TSPAN1: variants seen among roughly 807,000 people sequenced by gnomAD.
The protein encoded by TSPAN1 is tetraspanin-1.
TSPAN1 carries 23 observed loss-of-function variants against 26.9 expected under a neutral mutation model. That is an observed-to-expected ratio of 0.85 (90% confidence interval 0.62 to 1.21). The LOEUF is 1.21. Ranked by LOEUF, TSPAN1 falls within the 50% of genes most tolerant of loss-of-function variation. The pLI is 0.00. For synonymous variants in TSPAN1, 115 were observed against 114.8 expected (o/e 1.00, Z -0.01); for missense variants, 283 against 298.4 (o/e 0.95, Z 0.38).
the TSPAN1 span, chr1:46,192,265 T>C: frequency 6.2e-7 from 1 of 1,614,016 alleles, no homozygotes; most frequent in Non-Finnish European, 8.5e-7. Context: ...ATGTTTCGAG[T>C]TGGTAGGGGA....
downstream of TSPAN1, among the ~76,000 whole-genome samples, chr1:46,186,488 C>CTTT (rs751253861): frequency 2.3e-5 from 3 of 130,110 alleles, no homozygotes; most frequent in Admixed American, 7.8e-5. Flanking sequence ...CTTTTCTTTT[C>CTTT]TTTTTTTTTT....
chr1:46,196,016 G>A, the TSPAN1 span: 1 of 1,614,042 alleles, frequency 6.2e-7, no homozygotes, highest in Admixed American at 1.7e-5. The surrounding 1 kb of genome is among the most constrained non-coding windows in gnomAD (Gnocchi z 4.4). Flanking sequence ...ACTCACCGTG[G>A]CCTGGTTGAG....
chr1:46,195,382 T>G, the TSPAN1 span: 4 of 370,976 alleles, frequency 1.1e-5, no homozygotes, highest in Middle Eastern at 9.2e-4. Context: ...CACTCCTCAA[T>G]TCCTCAGCTT....
chr1:46,194,398 G>GC, the TSPAN1 span: 1 of 1,614,214 alleles, frequency 6.2e-7, no homozygotes, highest in Non-Finnish European at 8.5e-7. Flanking sequence ...GTGGCACTCT[G>GC]CCTCTGAGGG....
At chr1:46,195,987 G>A in the TSPAN1 span, 3 of 1,614,080 alleles carry the variant, frequency 1.9e-6, no homozygotes, top group Non-Finnish European at 2.5e-6. Context: ...CCAGCCCTCT[G>A]GGTCACCCAC....
chr1:46,193,138 C>G, the TSPAN1 span: 17 of 1,613,812 alleles, frequency 1.1e-5, no homozygotes, highest in East Asian at 6.7e-5. Flanking sequence ...ATGTTTCCCC[C>G]CTCCCAGGCC....
downstream of TSPAN1, chr1:46,189,663 A>T: frequency 6.4e-7 from 1 of 1,553,908 alleles, no homozygotes; most frequent in Non-Finnish European, 8.7e-7. Context: ...CCTCCTCAGA[A>T]ACCACCTCAA....
At chr1:46,194,625 T>C in the TSPAN1 span, 1 of 1,614,188 alleles carries the variant, frequency 6.2e-7, no homozygotes, top group Non-Finnish European at 8.5e-7. Flanking sequence ...GCAGGTGATT[T>C]AGAATGTTTC....
the TSPAN1 span, chr1:46,193,608 C>T: frequency 1.2e-6 from 2 of 1,614,208 alleles, no homozygotes; most frequent in East Asian, 2.2e-5. Context: ...TGAGGAGACA[C>T]CCCCTGGGCT....
At chr1:46,193,965 C>T in the TSPAN1 span, 1 of 1,610,714 alleles carries the variant, frequency 6.2e-7, no homozygotes, top group African/African-American at 1.3e-5. Context: ...CTTATTCCCC[C>T]TTCAAACTGG....
At chr1:46,193,484 C>T in the TSPAN1 span, 117 of 1,611,818 alleles carry the variant, frequency 7.3e-5, no homozygotes, top group African/African-American at 1.3e-3. Flanking sequence ...CTTGCCTGGG[C>T]GGTCTCCCTT....
Position 46,184,325 on chromosome 1 carries a change from C to T in TSPAN1, c.192C>T (p.Gly64=), listed in dbSNP as rs145996817. 2.2e-4 allele frequency: 352 copies of T among 1,614,192 alleles called. 2 individuals carry two copies. The highest frequency in any genetic ancestry group is 1.5e-3 in the Admixed American group (88 of 60,024). The part of the protein sequence containing the change: ...VNVGYFLIAA[G]VVVFALGFLG... ...TGGGCTACTTCCTCATCGCAGCCGG[C>T]GTTGTGGTCTTTGCTCTTGGTTTCC... The change falls in exon 4 of 9, where the codon GGC becomes GGT. Residue 64 remains glycine, a synonymous_variant. Transcript: ENST00000372003.
At chr1:46,190,890 T>C (rs1299937777), downstream of TSPAN1, 2 of 1,049,510 alleles carry the variant, frequency 1.9e-6, no homozygotes, top group Non-Finnish European at 3.0e-6. Context: ...GTCCTAGACC[T>C]GTAAAGAGCC....
In TSPAN1 at chr1:46,185,762, C is replaced by T; in HGVS notation, c.*229C>T. The stretch of plus-strand genomic sequence containing the variant: ...ATGGGTGGGGGGCATTCCAGAGCCT[C>T]TAAGGTAGCCAGTTCTGTTGCCCAT... On this transcript the variant is annotated 3_prime_UTR_variant, in exon 9 of 9. Transcript: ENST00000372003. 1 of 598,066 alleles carries T rather than the reference C, an allele frequency of 1.7e-6. No homozygotes were observed. Among genetic ancestry groups the T allele is most frequent in the Non-Finnish European group, 3.0e-6 (1 of 337,266 alleles). The allele number at this position is 598,066 out of a possible 1,614,324, so 37.0% of individuals were successfully genotyped here.
intron 7 of TSPAN1, 47 bp downstream of exon 7, chr1:46,185,162 G>C (rs756869581): frequency 6.2e-7 from 1 of 1,614,196 alleles, no homozygotes; most frequent in African/African-American, 1.3e-5. Flanking sequence ...TGGCCTCAGA[G>C]TGGCAAACGG....
At chr1:46,194,279 C>G in the TSPAN1 span, 11 of 1,614,176 alleles carry the variant, frequency 6.8e-6, no homozygotes, top group Non-Finnish European at 8.5e-6. Flanking sequence ...CTCACTGGGT[C>G]AGGGCTGAAC....
intron 1 of TSPAN1, among the ~76,000 whole-genome samples, chr1:46,180,296 C>A (rs1008434580): frequency 1.3e-5 from 2 of 152,174 alleles, no homozygotes; most frequent in Non-Finnish European, 2.9e-5. Context: ...GTGGAGGGCA[C>A]GCAGACATTC....
intron 1 of TSPAN1, among the ~76,000 whole-genome samples, chr1:46,178,354 CAA>C (rs34457165): frequency 3.5e-5 from 5 of 142,038 alleles, no homozygotes; most frequent in African/African-American, 7.8e-5. Flanking sequence ...GAGATTCTGT[CAA>C]AAAAAAAAAA....
chr1:46,189,372 C>T (rs888305629), downstream of TSPAN1: 48 of 1,614,068 alleles, frequency 3.0e-5, no homozygotes, highest in Non-Finnish European at 3.9e-5. Context: ...GAAAATAATA[C>T]AAGAATGTAT....
Sources: allele counts gnomAD v4.1 joint callset (sites outside exome capture counted in the v4.1 genomes callset), GRCh38; gene constraint gnomAD v4.1.1; non-coding constraint Gnocchi (gnomAD v3.1); transcripts MANE v1.5; gene names NCBI Gene and HGNC (gene_info 2026-07-23, HGNC 2026-07-21).